Variants in CNTLN observed in about 807,000 individuals in gnomAD.
The protein encoded by CNTLN is centlein, centrosomal protein.
Under a neutral mutation model 180.0 loss-of-function variants are expected in CNTLN, and 212 were observed. The ratio of observed to expected loss-of-function variants is 1.18; its 90% CI spans 1.05 to 1.32. The LOEUF (loss-of-function observed/expected upper bound fraction) is 1.32. CNTLN is among the 40% of genes most tolerant of loss of function. The pLI, the probability that CNTLN is intolerant of heterozygous loss-of-function variation, is 0.00. For synonymous variants in CNTLN, 722 were observed against 563.1 expected (o/e 1.28, Z -3.99); for missense variants, 2,095 against 1,610.9 (o/e 1.30, Z -5.14).
chr9:17,230,361 T>C (rs890186337), intron 3 of CNTLN, among the ~76,000 whole-genome samples: 1 of 152,156 alleles, frequency 6.6e-6, no homozygotes, highest in Non-Finnish European at 1.5e-5. Context: ...CTATTAATTA[T>C]ACAATAGTCC....
intron 25 of CNTLN, among the ~76,000 whole-genome samples, chr9:17,497,494 A>C (rs1348412376): frequency 6.6e-6 from 1 of 152,204 alleles, no homozygotes; most frequent in African/African-American, 2.4e-5. Flanking sequence ...CCCAACCCCA[A>C]GGACTTTATA....
At chr9:17,208,389 T>C (rs575176903) in intron 2 of CNTLN, among the ~76,000 whole-genome samples, 1 of 152,292 alleles carries the variant, frequency 6.6e-6, no homozygotes, top group East Asian at 1.9e-4. Flanking sequence ...TTGTTGAGGA[T>C]TTTTGCATCA....
At chr9:17,376,084 A>G (rs1376926369) in intron 13 of CNTLN, among the ~76,000 whole-genome samples, 2 of 152,172 alleles carry the variant, frequency 1.3e-5, no homozygotes, top group East Asian at 3.9e-4. Context: ...TGTTAAGGCC[A>G]ATATTTGAAC....
chr9:17,255,963 AT>A (rs1448085550), intron 5 of CNTLN, among the ~76,000 whole-genome samples: 2 of 151,842 alleles, frequency 1.3e-5, no homozygotes. Flanking sequence ...TAGAATACAG[AT>A]TTTTTAGAAT....
chr9:17,362,518 T>C (rs201421069), intron 12 of CNTLN, among the ~76,000 whole-genome samples: 1 of 149,418 alleles, frequency 6.7e-6, no homozygotes, highest in African/African-American at 2.5e-5. Flanking sequence ...TTATTTTTTT[T>C]CCAGGAAGTA....
At chr9:17,516,591 A>G in the CNTLN span, among the ~76,000 whole-genome samples, 1 of 152,096 alleles carries the variant, frequency 6.6e-6, no homozygotes, top group African/African-American at 2.4e-5. Context: ...ATTTGTTTAG[A>G]TTCTTCTTGG....
At chr9:17,448,639 A>G (rs1372262563) in intron 18 of CNTLN, 2 of 152,136 alleles carry the variant, frequency 1.3e-5, no homozygotes, top group Non-Finnish European at 2.9e-5. Flanking sequence ...TTAGATACAG[A>G]TAATGCTGTT....
At chr9:17,396,354 C>G (rs921297041) in intron 15 of CNTLN, among the ~76,000 whole-genome samples, 3 of 152,040 alleles carry the variant, frequency 2.0e-5, no homozygotes, top group African/African-American at 7.2e-5. Context: ...AGGACCCTTT[C>G]TTGTAACAAA....
chr9:17,242,331 A>G (rs918932284), intron 5 of CNTLN, among the ~76,000 whole-genome samples: 1 of 149,990 alleles, frequency 6.7e-6, no homozygotes, highest in Non-Finnish European at 1.5e-5. Flanking sequence ...TGTCTTTGAG[A>G]TGGAGTCTCG....
chr9:17,345,151 T>C (rs1821782053), intron 12 of CNTLN, among the ~76,000 whole-genome samples: 1 of 152,206 alleles, frequency 6.6e-6, no homozygotes, highest in African/African-American at 2.4e-5. Flanking sequence ...TTTTTTGCAA[T>C]TATGAATACA....
intron 5 of CNTLN, among the ~76,000 whole-genome samples, chr9:17,266,615 T>A (rs994231262): frequency 1.3e-5 from 2 of 152,160 alleles, no homozygotes; most frequent in East Asian, 3.9e-4. Context: ...GTCTCGTTGA[T>A]CTGTTTAGTG....
chr9:17,342,247 A>C lies in CNTLN; in HGVS notation c.1767-78A>C, dbSNP rs985729176. 4.2e-6 allele frequency: 6 copies of C among 1,419,862 alleles called. No homozygotes were observed. In the African/African-American group the frequency reaches 7.3e-5, roughly 17 times the overall value. 88.0% of individuals were successfully genotyped at this position (1,419,862 alleles called of 1,614,324 possible). A position where few individuals can be genotyped will look rare whatever the true frequency, so the allele number is the denominator to read the frequency against. On this transcript the variant is annotated intron_variant, in intron 11 of 25. Coordinates refer to ENST00000380647, the MANE Select transcript of CNTLN (RefSeq NM_017738.4). The stretch of plus-strand genomic sequence containing the variant: ...AAATTTGGTCAATAGATATTTTTAA[A>C]TTTTAAGGAATGTATAAAATAATTT...
chr9:17,358,764 T>C (rs1238137187), intron 12 of CNTLN, among the ~76,000 whole-genome samples: 2 of 152,190 alleles, frequency 1.3e-5, no homozygotes, highest in Non-Finnish European at 1.5e-5. Context: ...ACAAGAATGC[T>C]CACTACAGCA....
At chr9:17,511,652 A>T in the CNTLN span, among the ~76,000 whole-genome samples, 1,506 of 108,858 alleles carry the variant, frequency 0.014, 20 homozygotes, top group African/African-American at 0.04. Flanking sequence ...TCTCTCTCAC[A>T]CACACACACA....
chr9:17,168,676 A>G (rs542029382), intron 2 of CNTLN: 1 of 152,292 alleles, frequency 6.6e-6, no homozygotes, highest in South Asian at 2.1e-4. Flanking sequence ...TTGTTGAATA[A>G]ATGTCCTGTA....
At chr9:17,301,893 A>G in intron 7 of CNTLN, 1 of 931,230 alleles carries the variant, frequency 1.1e-6, no homozygotes, top group African/African-American at 1.8e-5. Context: ...TTGTTAGCAC[A>G]CTAGTATTTT....
chr9:17,370,763 TAAG>T (rs1445520888), intron 13 of CNTLN, among the ~76,000 whole-genome samples: 450 of 152,190 alleles, frequency 3.0e-3, no homozygotes, highest in African/African-American at 0.01. Context: ...CATAGTATAA[TAAG>T]ATATAAACAA....
Position 17,135,221 on chromosome 9 carries a change from A to C in CNTLN, c.156A>C (p.Glu52Asp), listed in dbSNP as rs776005519. The part of the protein sequence containing the change: ...AGAAREVVAD[E>D]SDKIWVGEEG... ...CAGCGCGGGAGGTGGTCGCGGACGA[A>C]AGTGATAAAATCTGGGTGGGTGAAG... The change falls in exon 1 of 26, where the codon GAA becomes GAC. Residue 52 changes from glutamate to aspartate, a missense_variant. By Grantham distance (45) the Glu-to-Asp change is conservative. Coordinates refer to ENST00000380647, the MANE Select transcript of CNTLN (RefSeq NM_017738.4). 2 of 1,610,170 alleles carry C rather than the reference A, an allele frequency of 1.2e-6. No individual in the cohort carries two copies. The highest frequency in any genetic ancestry group is 1.7e-6 in the Non-Finnish European group (2 of 1,178,670).
At chr9:17,178,401 C>G (rs1268697628) in intron 2 of CNTLN, among the ~76,000 whole-genome samples, 1 of 152,226 alleles carries the variant, frequency 6.6e-6, no homozygotes, top group East Asian at 1.9e-4. Context: ...TAGTCCCGTG[C>G]CCTGTGCCCG....
Sources: allele counts gnomAD v4.1 joint callset (sites outside exome capture counted in the v4.1 genomes callset), GRCh38; gene constraint gnomAD v4.1.1; transcripts MANE v1.5; gene names NCBI Gene and HGNC (gene_info 2026-07-23, HGNC 2026-07-21).